Variants in KMT2D observed in about 807,000 individuals in gnomAD.
KMT2D encodes the protein lysine methyltransferase 2D.
A neutral mutation model predicts 512.7 loss-of-function variants in KMT2D; 55 were observed. The ratio of observed to expected loss-of-function variants is 0.11; its 90% CI spans 0.09 to 0.13. The LOEUF (loss-of-function observed/expected upper bound fraction) is 0.13. Ranked by LOEUF, KMT2D falls within the 10% of genes least tolerant of loss-of-function variation. The pLI is 1.00. For missense variants in KMT2D, 6,061 were observed against 7,127.9 expected, an observed-to-expected ratio of 0.85 and a Z score of 5.39; for synonymous variants, 2,995 against 2,904.0, an observed-to-expected ratio of 1.03 and a Z score of -1.01.
chr12:49,060,753 A>C lies in KMT2D; in HGVS notation c.-1178T>G, dbSNP rs1938708224. Among the ~76,000 whole-genome samples, 1 of 152,138 alleles carries C rather than the reference A, an allele frequency of 6.6e-6. No individual in the cohort carries two copies. The highest frequency in any genetic ancestry group is 2.4e-5 in the African/African-American group (1 of 41,438). On this transcript the variant is annotated 5_prime_UTR_variant, in exon 1 of 55. Coordinates refer to ENST00000301067, the MANE Select transcript of KMT2D (RefSeq NM_003482.4). Reference sequence around the variant, plus strand: ...GGGCACCCCACTCGAGAGGGGGAGAAAGGAGAAGAGGCGGCCCTATTTTGT... The same window carrying C: ...GGGCACCCCACTCGAGAGGGGGAGACAGGAGAAGAGGCGGCCCTATTTTGT...
Position 49,039,762 on chromosome 12 carries a change from A to G in KMT2D, c.8008T>C (p.Ser2670Pro), listed in dbSNP as rs368734244. Residue 2670 changes from serine (S) to proline (P), a missense_variant, in exon 32 of 55, where the codon TCC becomes CCC. Physicochemically the swap from Ser to Pro is moderately conservative, Grantham distance 74 (BLOSUM62 -1). Around this residue, in one of 16 missense-constraint regions of KMT2D, gnomAD observed 527 missense variants for 578.9 expected, o/e 0.91. Transcript: ENST00000301067. This position sits in a 1 kb window ranked among gnomAD's most constrained non-coding sequence, Gnocchi z 5.0. ...TCCAGCTCTGTTTGGCTAAGGCCGGACATGCCTGGGTCCTGGGTACCTGGG... is the reference window on the plus strand; with the variant it reads ...TCCAGCTCTGTTTGGCTAAGGCCGGGCATGCCTGGGTCCTGGGTACCTGGG... ...ELPGTQDPGM[S>P]GLSQTELEKQ... The G allele has an allele frequency of 6.2e-7, 1 of 1,613,686 alleles. No homozygotes were observed. Among genetic ancestry groups the G allele is most frequent in the Non-Finnish European group, 8.5e-7 (1 of 1,179,890 alleles).
chr12:49,054,534 G>GTTC lies in KMT2D; in HGVS notation c.391_393dup (p.Glu131dup), dbSNP rs1475050662. The GTTC allele has an allele frequency of 6.2e-7, 1 of 1,609,858 alleles. No homozygotes were observed. The highest frequency in any genetic ancestry group is 1.7e-5 in the Admixed American group (1 of 59,444). On this transcript the variant is annotated inframe_insertion, in exon 4 of 55. Coordinates refer to ENST00000301067, the MANE Select transcript of KMT2D (RefSeq NM_003482.4). The surrounding 1 kb of genome is among the most constrained non-coding windows in gnomAD (Gnocchi z 6.4). ...CCCCATTCTCCTCACTCACCTCCAGGTTCTCCTAGGTGGGCAGGTGTAAGG... is the reference window on the plus strand; with the variant it reads ...CCCCATTCTCCTCACTCACCTCCAGGTTCTTCTCCTAGGTGGGCAGGTGTAAGG...
At position 49,052,970 on chromosome 12, in the gene KMT2D, G is replaced by C; in HGVS notation, c.1057C>G (p.Gln353Glu). 6.2e-7 allele frequency: 1 copy of C among 1,614,020 alleles called. No individual in the cohort carries two copies. The highest frequency in any genetic ancestry group is 1.3e-5 in the African/African-American group (1 of 75,050). ...YSLCHRCHKA[Q>E]GGQTIRSVAE... Reference sequence around the variant, plus strand: ...ACGGAGCGGATAGTCTGACCTCCCTGGGCTTTGTGACAGCGGTGACAGAGA... The same window carrying C: ...ACGGAGCGGATAGTCTGACCTCCCTCGGCTTTGTGACAGCGGTGACAGAGA... Residue 353 changes from glutamine (Q) to glutamate (E), a missense_variant, in exon 9 of 55, where the codon CAG becomes GAG. Physicochemically the swap from Gln to Glu is conservative, Grantham distance 29 (BLOSUM62 2). This residue lies in a region of KMT2D where 848 missense variants were observed against 838.5 expected (regional missense o/e 1.01). Coordinates refer to ENST00000301067, the MANE Select transcript of KMT2D (RefSeq NM_003482.4).
In KMT2D at chr12:49,033,425, A is replaced by G; in HGVS notation, c.11280T>C (p.Gly3760=). 1 of 1,579,612 alleles carries G rather than the reference A, an allele frequency of 6.3e-7. No individual in the cohort carries two copies. The highest frequency in any genetic ancestry group is 8.6e-7 in the Non-Finnish European group (1 of 1,163,406). Residue 3760 remains glycine, a synonymous_variant, in exon 40 of 55, where the codon GGT becomes GGC. Transcript: ENST00000301067. ...GAGCTTGGTTTGTCTGTACTCCAGG[A>G]CCCTGCTGCTGTTGCTGCTGGATTG... ...QVAIQQQQQQ[G]PGVQTNQALG...
rs587778464 is a variant in KMT2D at position 49,041,030 on chromosome 12, G to C, written c.6740C>G (p.Pro2247Arg). 14 of 1,571,326 alleles carry C rather than the reference G, an allele frequency of 8.9e-6. No individual in the cohort carries two copies. The highest frequency in any genetic ancestry group is 1.1e-5 in the Non-Finnish European group (13 of 1,157,896). Residue 2247 changes from proline (P) to arginine (R), a missense_variant, in exon 32 of 55, where the codon CCC (proline) becomes CGC (arginine). Transcript: ENST00000301067. The surrounding 1 kb of genome is among the most constrained non-coding windows in gnomAD (Gnocchi z 5.4). Reference sequence around the variant, plus strand: ...CAAGTTATCCAGCGAGGGGCAGCGGGGTTTGAGGAATGGGTCAGGTGTGGA... The same window carrying C: ...CAAGTTATCCAGCGAGGGGCAGCGGCGTTTGAGGAATGGGTCAGGTGTGGA... Reference protein sequence around the residue: ...QPSTPDPFLKPRCPSLDNLAV... With the variant: ...QPSTPDPFLKRRCPSLDNLAV...
At chr12:49,057,284 T>G (rs529123519) in intron 1 of KMT2D, among the ~76,000 whole-genome samples, 1 of 152,186 alleles carries the variant, frequency 6.6e-6, no homozygotes, top group South Asian at 2.1e-4. Flanking sequence ...CCCCTAAAGA[T>G]CCTCTACCCG....
intron 49 of KMT2D, among the ~76,000 whole-genome samples, chr12:49,025,897 G>A (rs1290055679): frequency 1.3e-5 from 2 of 152,208 alleles, no homozygotes; most frequent in Admixed American, 6.5e-5. Context: ...TGAGGCAGAT[G>A]ATAGTCTCAG....
intron 26 of KMT2D, 44 bp downstream of exon 26, chr12:49,043,032 A>G (rs1943612268): frequency 2.5e-6 from 4 of 1,581,224 alleles, no homozygotes; most frequent in Non-Finnish European, 3.5e-6. Context: ...TCCTTCTCCC[A>G]TAGAAAACCC....
At position 49,030,950 on chromosome 12, in the gene KMT2D, C is replaced by T. The variant is rs1256245507; in HGVS notation, c.13614G>A (p.Lys4538=). 6.2e-7 allele frequency: 1 copy of T among 1,614,008 alleles called. No individual in the cohort carries two copies. The change falls in exon 41 of 55, where the codon AAG becomes AAA. Residue 4538 remains lysine (K), a synonymous_variant. Transcript: ENST00000301067. ...CCCTGACCCCGTCCTCCTTCCGCAG[C>T]TTCTTTCGGGAGCTCACCAACCTGT... ...ASDRLVSSRK[K]LRKEDGVRAS... is the part of the protein sequence containing the mutation.
In KMT2D at chr12:49,054,208, T is replaced by C. The variant is rs2120705947; in HGVS notation, c.511-68A>G. ...CCAGACAAACAGTTCAGGCACTAGC[T>C]CTGCCCCAGTATACCCATGGTCCTT... On this transcript the variant is annotated intron_variant, in intron 5 of 54. Coordinates refer to ENST00000301067, the MANE Select transcript of KMT2D (RefSeq NM_003482.4). This position sits in a 1 kb window ranked among gnomAD's most constrained non-coding sequence, Gnocchi z 6.4. The C allele has an allele frequency of 6.5e-7, 1 of 1,537,032 alleles. No individual in the cohort carries two copies. The highest frequency in any genetic ancestry group is 2.4e-5 in the East Asian group (1 of 41,238).
At chr12:49,034,037 G>C (rs2120450399) in intron 39 of KMT2D, 30 bp downstream of exon 39, 2 of 1,597,732 alleles carry the variant, frequency 1.3e-6, no homozygotes, top group Non-Finnish European at 1.7e-6. Context: ...CTGCCTTCTG[G>C]GTGCTAGGCT....
Position 49,037,747 on chromosome 12 carries a change from G to C in KMT2D, c.9609C>G (p.Gly3203=). 6 of 1,589,726 alleles carry C rather than the reference G, an allele frequency of 3.8e-6. No homozygotes were observed. The highest frequency in any genetic ancestry group is 5.1e-6 in the Non-Finnish European group (6 of 1,167,910). The change falls in exon 35 of 55, where the codon GGC becomes GGG. Residue 3203 remains glycine, a synonymous_variant. Coordinates refer to ENST00000301067, the MANE Select transcript of KMT2D (RefSeq NM_003482.4). ...TTTCCAGCAGGGAGGATCCTCCTGG[G>C]CCACTCAGTGGGCTGGGGGTCAGCA... ...AHLLTPSPLS[G]PGGSSLLEKF...
rs572145631 is a variant in KMT2D, at chr12:49,041,198, G to T, written c.6572C>A (p.Thr2191Lys). Residue 2191 changes from threonine to lysine, a missense_variant, in exon 32 of 55, where the codon ACG becomes AAG. Physicochemically the swap from Thr to Lys is moderately conservative, Grantham distance 78. This residue lies in a region of KMT2D where 710 missense variants were observed against 647.3 expected (regional missense o/e 1.10). Coordinates refer to ENST00000301067, the MANE Select transcript of KMT2D (RefSeq NM_003482.4). This position sits in a 1 kb window ranked among gnomAD's most constrained non-coding sequence, Gnocchi z 5.4. ...PAYPLEPRFP[T>K]APPTYPPYPS... Reference sequence around the variant, plus strand: ...ATAGGGGGGATAGGTGGGCGGTGCCGTGGGGAAGCGGGGCTCCAGGGGATA... The same window carrying T: ...ATAGGGGGGATAGGTGGGCGGTGCCTTGGGGAAGCGGGGCTCCAGGGGATA... The T allele has an allele frequency of 8.6e-6, 13 of 1,513,636 alleles. No individual in the cohort carries two copies. Among genetic ancestry groups the T allele is most frequent in the Non-Finnish European group, 1.1e-5 (13 of 1,133,434 alleles). 93.8% of individuals were successfully genotyped at this position (1,513,636 alleles called of 1,614,324 possible).
Position 49,039,589 on chromosome 12 carries a change from C to T in KMT2D, c.8075G>A (p.Arg2692Gln), listed in dbSNP as rs2120513261. ...CAGGGTGTTGCGCTGGATCTGCTGC[C>T]GAATCAGCAGCTCTCGTAGTCGCTG... ...QRQRLRELLIRQQIQRNTLRQ... is the reference protein window; with the variant it reads ...QRQRLRELLIQQQIQRNTLRQ... The change falls in exon 33 of 55, where the codon CGG becomes CAG. Residue 2692 changes from arginine to glutamine, a missense_variant. This residue lies in a region of KMT2D where 527 missense variants were observed against 578.9 expected (regional missense o/e 0.91). Transcript: ENST00000301067. This position sits in a 1 kb window ranked among gnomAD's most constrained non-coding sequence, Gnocchi z 5.0. 1.9e-6 allele frequency: 3 copies of T among 1,610,570 alleles called. No homozygotes were observed. Among genetic ancestry groups the T allele is most frequent in the Middle Eastern group, 1.7e-4 (1 of 6,060 alleles).
chr12:49,040,748 T>C lies in KMT2D; in HGVS notation c.7022A>G (p.Gln2341Arg). 1 of 1,613,244 alleles carries C rather than the reference T, an allele frequency of 6.2e-7. No individual in the cohort carries two copies. Among genetic ancestry groups the C allele is most frequent in the Non-Finnish European group, 8.5e-7 (1 of 1,179,660 alleles). The change falls in exon 32 of 55, where the codon CAG becomes CGG. Residue 2341 changes from glutamine to arginine, a missense_variant. Gln to Arg is a conservative substitution (Grantham distance 43, BLOSUM62 1). This residue lies in a region of KMT2D where 710 missense variants were observed against 647.3 expected (regional missense o/e 1.10). Coordinates refer to ENST00000301067, the MANE Select transcript of KMT2D (RefSeq NM_003482.4). ...GGGCCTTAGGCCCAAGCCCGGGCTC[T>C]GGGGCTCTACCTGAGATGCCCGAGG... ...LTPRASQVEP[Q>R]SPGLGLRPQE...
At position 49,033,090 on chromosome 12, in the gene KMT2D, C is replaced by T. The variant is rs1450431186; in HGVS notation, c.11615G>A (p.Gly3872Glu). The change falls in exon 40 of 55, where the codon GGG (glycine) becomes GAG (glutamate). Residue 3872 changes from glycine (G) to glutamate (E), a missense_variant. By Grantham distance (98) the Gly-to-Glu change is moderately conservative. Transcript: ENST00000301067. Reference sequence around the variant, plus strand: ...CAGACTCTGCTGAAGATGGGACAGCCCTGCCATGGACCCTTGCTGTTGGTG... The same window carrying T: ...CAGACTCTGCTGAAGATGGGACAGCTCTGCCATGGACCCTTGCTGTTGGTG... ...QQHQQQGSMA[G>E]LSHLQQSLMS... 2 of 1,551,354 alleles carry T rather than the reference C, an allele frequency of 1.3e-6. No homozygotes were observed. Among genetic ancestry groups the T allele is most frequent in the Non-Finnish European group, 8.7e-7 (1 of 1,146,908 alleles).
chr12:49,023,692 T>A (rs891806576), intron 51 of KMT2D, among the ~76,000 whole-genome samples: 3 of 152,186 alleles, frequency 2.0e-5, no homozygotes, highest in Non-Finnish European at 4.4e-5. Context: ...GAGATATGCA[T>A]GGGAAGGAAA....
At chr12:49,029,914 G>A (rs994150430) in intron 43 of KMT2D, among the ~76,000 whole-genome samples, 11 of 152,094 alleles carry the variant, frequency 7.2e-5, no homozygotes, top group African/African-American at 2.4e-4. Flanking sequence ...GGAAACTGAG[G>A]CTCACACAAG....
intron 41 of KMT2D, 30 bp downstream of exon 41, chr12:49,030,863 G>A (rs1466046805): frequency 6.2e-7 from 1 of 1,613,248 alleles, no homozygotes; most frequent in Non-Finnish European, 8.5e-7. Context: ...CCTGGGATGG[G>A]ACCAGGGGGA....
Sources: allele counts gnomAD v4.1 joint callset (sites outside exome capture counted in the v4.1 genomes callset), GRCh38; gene constraint gnomAD v4.1.1; regional missense constraint gnomAD v4.1.1; non-coding constraint Gnocchi (gnomAD v3.1); transcripts MANE v1.5; gene names NCBI Gene and HGNC (gene_info 2026-07-23, HGNC 2026-07-21).